The following RIC1 variants were observed in gnomAD, a reference collection of about 807,000 sequenced individuals.
The protein encoded by RIC1 is guanine nucleotide exchange factor subunit RIC1.
A neutral mutation model predicts 169.0 loss-of-function variants in RIC1; 88 were observed. The observed-to-expected ratio is 0.52, with a 90% confidence interval of 0.44 to 0.62. RIC1 has a LOEUF of 0.62. Among genes scored for constraint, RIC1 ranks in the 20% least tolerant of loss-of-function variants. The pLI is 0.00. For synonymous variants in RIC1, 790 were observed against 601.5 expected (o/e 1.31, Z -4.59); for missense variants, 1,877 against 1,725.5 (o/e 1.09, Z -1.56).
chr9:5,723,079 G>C (rs1310904536), intron 6 of RIC1, among the ~76,000 whole-genome samples: 1 of 152,172 alleles, frequency 6.6e-6, no homozygotes, highest in Non-Finnish European at 1.5e-5. Flanking sequence ...CCCAGTAATG[G>C]GATGGCTGGA....
chr9:5,716,136 C>T (rs1181428689), intron 4 of RIC1, among the ~76,000 whole-genome samples: 1 of 152,108 alleles, frequency 6.6e-6, no homozygotes, highest in African/African-American at 2.4e-5. Flanking sequence ...TGAGCCACCA[C>T]ACCCAGCCAA....
Position 5,757,417 on chromosome 9 carries a change from C to T in RIC1, c.1958C>T (p.Thr653Ile). ...VVSVTLTSVS[T>I]ENGITLKMPQ... ...TCTGTCACTCTGACATCAGTGAGTA[C>T]AGAGAATGGAATCACCTTGAAAATG... The change falls in exon 17 of 26, where the codon ACA (threonine) becomes ATA (isoleucine). Residue 653 changes from threonine to isoleucine, a missense_variant. This residue lies in a region of RIC1 where 1,104 missense variants were observed against 992.0 expected (regional missense o/e 1.11). Transcript: ENST00000414202. 1 of 1,614,010 alleles carries T rather than the reference C, an allele frequency of 6.2e-7. No individual in the cohort carries two copies. Among genetic ancestry groups the T allele is most frequent in the Non-Finnish European group, 8.5e-7 (1 of 1,179,934 alleles).
chr9:5,701,368 T>A (rs1822206395), intron 3 of RIC1, among the ~76,000 whole-genome samples: 1 of 152,196 alleles, frequency 6.6e-6, no homozygotes, highest in East Asian at 1.9e-4. Flanking sequence ...CTCAGCACTT[T>A]GGGAGGCCCA....
chr9:5,688,619 A>G (rs1185162591), intron 2 of RIC1, among the ~76,000 whole-genome samples: 1 of 152,216 alleles, frequency 6.6e-6, no homozygotes, highest in Non-Finnish European at 1.5e-5. Context: ...TGTATCTTAC[A>G]GTGTTGAAAC....
intron 7 of RIC1, among the ~76,000 whole-genome samples, chr9:5,735,667 C>G (rs950305832): frequency 6.6e-6 from 1 of 152,184 alleles, no homozygotes; most frequent in African/African-American, 2.4e-5. Flanking sequence ...GACTAATTAC[C>G]TTGAACACTA....
chr9:5,640,096 C>T (rs552883656), intron 1 of RIC1, among the ~76,000 whole-genome samples: 10 of 152,170 alleles, frequency 6.6e-5, no homozygotes, highest in African/African-American at 2.2e-4. Context: ...GTAGGGACTT[C>T]TGCCATTTTG....
intron 14 of RIC1, among the ~76,000 whole-genome samples, chr9:5,754,026 GTGTGTA>G (rs1216712721): frequency 6.7e-6 from 1 of 149,292 alleles, no homozygotes. Context: ...GAGTGTGCGT[GTGTGTA>G]TGTGTATGTG....
rs1378552258 is a variant in RIC1, at chr9:5,747,477, T to G, written c.1424T>G (p.Leu475Arg). Residue 475 changes from leucine to arginine, a missense_variant, in exon 12 of 26, where the codon CTT becomes CGT. Physicochemically the swap from Leu to Arg is moderately radical, Grantham distance 102. Around this residue, in one of 3 missense-constraint regions of RIC1, gnomAD observed 1,104 missense variants for 992.0 expected, o/e 1.11. Transcript: ENST00000414202. ...GAGTCTCAGGGATTAAGCACTTTAC[T>G]TGGACATCGGCATTGGCATGTTGTA... is the stretch of plus-strand genomic sequence containing the variant. ...GLESQGLSTLLGHRHWHVVQI... is the reference protein window; with the variant it reads ...GLESQGLSTLRGHRHWHVVQI... 1.2e-6 allele frequency: 2 copies of G among 1,613,978 alleles called. No individual in the cohort carries two copies. The highest frequency in any genetic ancestry group is 2.7e-5 in the African/African-American group (2 of 74,946).
downstream of RIC1, among the ~76,000 whole-genome samples, chr9:5,777,777 T>C (rs143183930): frequency 4.6e-5 from 7 of 152,312 alleles, no homozygotes; most frequent in Non-Finnish European, 1.0e-4. Flanking sequence ...AAAAATCAAC[T>C]ATAGAGGTAT....
At chr9:5,632,088 C>A (rs542403169) in intron 1 of RIC1, among the ~76,000 whole-genome samples, 1 of 152,292 alleles carries the variant, frequency 6.6e-6, no homozygotes, top group Non-Finnish European at 1.5e-5. Flanking sequence ...TGAAGTCTTA[C>A]AGCTGCTTGA....
chr9:5,740,741 G>A (rs953726602), intron 8 of RIC1, among the ~76,000 whole-genome samples: 4 of 151,720 alleles, frequency 2.6e-5, no homozygotes, highest in African/African-American at 9.7e-5. Context: ...ATTAAGGGTG[G>A]GTCTGCCTTT....
intron 1 of RIC1, among the ~76,000 whole-genome samples, chr9:5,641,630 T>C (rs768740204): frequency 1.2e-4 from 18 of 145,350 alleles, no homozygotes; most frequent in Admixed American, 2.0e-4. Flanking sequence ...TGTGGTCTCC[T>C]CTGACTATAT....
intron 2 of RIC1, among the ~76,000 whole-genome samples, chr9:5,658,076 A>C (rs578073230): frequency 3.3e-5 from 5 of 152,232 alleles, no homozygotes; most frequent in African/African-American, 1.2e-4. Context: ...TTGTAACTTC[A>C]TAACATTTCA....
intron 6 of RIC1, among the ~76,000 whole-genome samples, chr9:5,725,642 T>G (rs1823925242): frequency 6.6e-6 from 1 of 152,202 alleles, no homozygotes; most frequent in Admixed American, 6.5e-5. Flanking sequence ...TTCTTTTAAT[T>G]GTGATGTTAG....
intron 2 of RIC1, among the ~76,000 whole-genome samples, chr9:5,673,335 A>G (rs1227914559): frequency 2.0e-5 from 3 of 151,888 alleles, no homozygotes; most frequent in African/African-American, 7.3e-5. Flanking sequence ...GGAAATTAAA[A>G]TAAGACCATT....
rs1823498737 is a variant in RIC1 at position 5,720,176 on chromosome 9, C to G, written c.441-6C>G. On this transcript the variant is annotated splice_polypyrimidine_tract_variant and splice_region_variant and intron_variant, in intron 4 of 25. Transcript: ENST00000414202. ...TCTCTTAAAAATTAATTGATTCTAC[C>G]TACAGTTTGCAGTCTGTGTTGGAAG... The G allele has an allele frequency of 1.2e-6, 2 of 1,607,552 alleles. No homozygotes were observed. Among genetic ancestry groups the G allele is most frequent in the African/African-American group, 1.3e-5 (1 of 74,804 alleles).
rs566639893 is a variant in RIC1, at chr9:5,752,368, C to T, written c.1453-832C>T. On this transcript the variant is annotated intron_variant, in intron 12 of 25. Transcript: ENST00000414202. ...TGTTTAGAGATAGAATAAAAGCTAA[C>T]CAGTGGTTGTACCTAAGTAACAGAG... 7.2e-5 allele frequency among the ~76,000 whole-genome samples: 11 copies of T among 152,022 alleles called. 1 individual carries two copies. The South Asian group carries it at 2.3e-3, about 32-fold the overall frequency.
rs1224242511 is a variant in RIC1 at position 5,638,888 on chromosome 9, G to A, written c.144+9435G>A. Among the ~76,000 whole-genome samples the A allele has an allele frequency of 2.0e-5, 3 of 152,058 alleles. No homozygotes were observed. In the East Asian group the frequency reaches 5.8e-4, roughly 29 times the overall value. On this transcript the variant is annotated intron_variant, in intron 1 of 25. Transcript: ENST00000414202. ...TGCTCTTGCTTTTCTTGTTGTTTAA[G>A]AGGCATCATTAGGTTATTTATTTGA...
chr9:5,753,116 T>A (rs1331188562), intron 12 of RIC1, 84 bp from the exon 13 acceptor site: 3 of 1,234,308 alleles, frequency 2.4e-6, no homozygotes, highest in Non-Finnish European at 2.4e-6. Flanking sequence ...TTCGGCAAGA[T>A]GAATCTCATA....
Sources: allele counts gnomAD v4.1 joint callset (sites outside exome capture counted in the v4.1 genomes callset), GRCh38; gene constraint gnomAD v4.1.1; regional missense constraint gnomAD v4.1.1; transcripts MANE v1.5; gene names NCBI Gene and HGNC (gene_info 2026-07-23, HGNC 2026-07-21).